CNTNAP2: variants seen among roughly 807,000 people sequenced by gnomAD.
The protein encoded by CNTNAP2 is contactin associated protein 2, also known as contactin-associated protein-like 2.
A neutral mutation model predicts 155.2 loss-of-function variants in CNTNAP2; 98 were observed. The observed-to-expected ratio is 0.63, with a 90% CI of 0.54 to 0.75. CNTNAP2 has a LOEUF of 0.75. Ranked by LOEUF, CNTNAP2 falls within the 30% of genes least tolerant of loss-of-function variation. The pLI is 0.00. For synonymous variants in CNTNAP2, 651 were observed against 631.2 expected (o/e 1.03, Z -0.47); for missense variants, 1,727 against 1,688.1 (o/e 1.02, Z -0.40).
chr7:146,776,726 G>GT (rs1293203473), intron 2 of CNTNAP2, among the ~76,000 whole-genome samples: 1 of 151,810 alleles, frequency 6.6e-6, no homozygotes, highest in Non-Finnish European at 1.5e-5. Context: ...AAATATATAG[G>GT]TTTTTTGCTC....
chr7:146,461,970 T>G (rs1796643772), intron 1 of CNTNAP2, among the ~76,000 whole-genome samples: 1 of 152,210 alleles, frequency 6.6e-6, no homozygotes, highest in Admixed American at 6.5e-5. Flanking sequence ...TGCTCCATGG[T>G]TATTTTTATT....
chr7:147,265,366 A>G (rs1563139075), intron 8 of CNTNAP2, among the ~76,000 whole-genome samples: 1 of 152,208 alleles, frequency 6.6e-6, no homozygotes, highest in East Asian at 1.9e-4. Flanking sequence ...TAGTTCCTAC[A>G]TTTCAGCACA....
intron 3 of CNTNAP2, among the ~76,000 whole-genome samples, chr7:146,913,109 T>C (rs1796321382): frequency 6.6e-6 from 1 of 152,176 alleles, no homozygotes; most frequent in African/African-American, 2.4e-5. Flanking sequence ...CAAAGTTTCA[T>C]AGAGAAAGAG....
At chr7:146,757,857 G>A (rs181741932) in intron 1 of CNTNAP2, among the ~76,000 whole-genome samples, 121 of 151,986 alleles carry the variant, frequency 8.0e-4, no homozygotes, top group African/African-American at 2.7e-3. Flanking sequence ...TCATCTCTTG[G>A]TGGCTATATG....
At chr7:148,090,196 A>C (rs7797715) in intron 15 of CNTNAP2, among the ~76,000 whole-genome samples, 78,718 of 151,752 alleles carry the variant, frequency 0.52, 22,130 homozygotes, top group East Asian at 0.82. Flanking sequence ...CTGGTCTGGG[A>C]AAAGATTTTT....
chr7:146,442,935 G>C (rs1305725191), intron 1 of CNTNAP2, among the ~76,000 whole-genome samples: 1 of 152,054 alleles, frequency 6.6e-6, no homozygotes, highest in Non-Finnish European at 1.5e-5. Context: ...GGCCGGGCGC[G>C]GTGGCTGACG....
At chr7:146,784,514 TAAAC>T (rs554289243) in intron 2 of CNTNAP2, among the ~76,000 whole-genome samples, 28 of 152,324 alleles carry the variant, frequency 1.8e-4, no homozygotes, top group Admixed American at 5.9e-4. Flanking sequence ...TCAATGTATT[TAAAC>T]AAACAAACAA....
At chr7:146,439,181 C>T (rs566998397) in intron 1 of CNTNAP2, among the ~76,000 whole-genome samples, 15 of 151,424 alleles carry the variant, frequency 9.9e-5, no homozygotes, top group Admixed American at 9.8e-4. Context: ...ACTATGTATC[C>T]CTTCCTTATA....
At chr7:147,601,787 G>T (rs1002117546) in intron 12 of CNTNAP2, among the ~76,000 whole-genome samples, 1 of 150,612 alleles carries the variant, frequency 6.6e-6, no homozygotes, top group Admixed American at 6.6e-5. Flanking sequence ...ATGTACAATC[G>T]GATTGAATTG....
chr7:148,286,813 G>T lies in CNTNAP2; in HGVS notation c.3475+19687G>T, dbSNP rs531759605. Among the ~76,000 whole-genome samples the T allele has an allele frequency of 3.9e-5, 6 of 152,274 alleles. No homozygotes were observed. The East Asian group carries it at 1.2e-3, about 29-fold the overall frequency. On this transcript the variant is annotated intron_variant, in intron 21 of 23. Transcript: ENST00000361727. ...AATTTAGAGCATTTTTAGGTTCACA[G>T]AAAAATGGAGCAAAAAGTACAGAGA...
chr7:147,929,092 CAAAAAAAAAA>C (rs66584239), intron 14 of CNTNAP2, among the ~76,000 whole-genome samples: 723 of 34,636 alleles, frequency 0.021, 11 homozygotes, highest in African/African-American at 0.053. Context: ...AACTCCATCC[CAAAAAAAAAA>C]AAAAAAAAAA....
chr7:146,746,169 A>G (rs1801806939), intron 1 of CNTNAP2, among the ~76,000 whole-genome samples: 1 of 152,226 alleles, frequency 6.6e-6, no homozygotes, highest in Admixed American at 6.5e-5. Flanking sequence ...TCATTGTTGC[A>G]CAAGGTTAAT....
intron 1 of CNTNAP2, among the ~76,000 whole-genome samples, chr7:146,366,253 A>G (rs1484260765): frequency 8.7e-6 from 1 of 115,272 alleles, no homozygotes; most frequent in Non-Finnish European, 1.7e-5. Flanking sequence ...TTTTTTCTTA[A>G]AATAATTTTT....
intron 2 of CNTNAP2, among the ~76,000 whole-genome samples, chr7:146,807,816 C>T (rs1490014457): frequency 6.6e-6 from 1 of 151,974 alleles, no homozygotes; most frequent in African/African-American, 2.4e-5. Flanking sequence ...ATGTTCTTCC[C>T]AACACTCATA....
intron 1 of CNTNAP2, among the ~76,000 whole-genome samples, chr7:146,554,811 G>A (rs898184275): frequency 1.3e-5 from 2 of 152,232 alleles, no homozygotes; most frequent in Non-Finnish European, 2.9e-5. Flanking sequence ...GGCAGCGTAA[G>A]AGCCAGCAAG....
chr7:147,788,900 CTTT>C (rs11440955), intron 13 of CNTNAP2, among the ~76,000 whole-genome samples: 1 of 100,742 alleles, frequency 9.9e-6, no homozygotes. Context: ...TTTTCTTTTT[CTTT>C]TTTTTTTTTT....
intron 1 of CNTNAP2, among the ~76,000 whole-genome samples, chr7:146,270,149 T>C (rs932360594): frequency 1.3e-5 from 2 of 152,340 alleles, no homozygotes; most frequent in East Asian, 3.9e-4. Flanking sequence ...TGGTTATTTT[T>C]AAATTAGGAG....
chr7:148,155,582 C>T (rs1028919193), intron 17 of CNTNAP2, among the ~76,000 whole-genome samples: 2 of 152,088 alleles, frequency 1.3e-5, no homozygotes, highest in African/African-American at 4.8e-5. Flanking sequence ...AGACAGGGTG[C>T]TATTTTCCTT....
At chr7:146,550,401 G>GTTTTTTCTTTTTTTT (rs1798097799) in intron 1 of CNTNAP2, among the ~76,000 whole-genome samples, 1 of 54,382 alleles carries the variant, frequency 1.8e-5, no homozygotes, top group African/African-American at 7.1e-5. Flanking sequence ...CCATTAATCT[G>GTTTTTTCTTTTTTTT]TTTTTTTTTT....
Sources: allele counts gnomAD v4.1 joint callset (sites outside exome capture counted in the v4.1 genomes callset), GRCh38; gene constraint gnomAD v4.1.1; transcripts MANE v1.5; gene names NCBI Gene and HGNC (gene_info 2026-07-23, HGNC 2026-07-21).